Variants in SLC2A9 observed in about 807,000 individuals in gnomAD.
The protein encoded by SLC2A9 is solute carrier family 2, facilitated glucose transporter member 9.
In SLC2A9, 39 loss-of-function variants were observed where a neutral mutation model predicts 50.6. The ratio of observed to expected loss-of-function variants is 0.77; its 90% confidence interval spans 0.60 to 1.01. The LOEUF is 1.01. Ranked by LOEUF, SLC2A9 falls within the 50% of genes least tolerant of loss-of-function variation. The pLI, the probability that SLC2A9 is intolerant of heterozygous loss-of-function variation, is 0.00. For missense variants in SLC2A9, 686 were observed against 677.6 expected (o/e 1.01, Z -0.14); for synonymous variants, 324 against 276.9 (o/e 1.17, Z -1.69).
downstream of SLC2A9, among the ~76,000 whole-genome samples, chr4:9,795,746 G>A (rs1720518534): frequency 6.6e-6 from 1 of 152,176 alleles, no homozygotes; most frequent in Non-Finnish European, 1.5e-5. Flanking sequence ...GGGACGCATT[G>A]CCTTGGTCAG....
At chr4:10,013,216 G>C (rs2109456664) in intron 2 of SLC2A9, among the ~76,000 whole-genome samples, 1 of 152,304 alleles carries the variant, frequency 6.6e-6, no homozygotes, top group Admixed American at 6.5e-5. Context: ...AAGGACTGAA[G>C]ATCTTTCTTC....
intron 10 of SLC2A9, chr4:9,879,362 G>A: frequency 1.0e-6 from 1 of 980,760 alleles, no homozygotes; most frequent in South Asian, 4.7e-5. Flanking sequence ...GCGTGTGTGT[G>A]TGTGTGTATT....
chr4:9,780,981 C>T (rs1257625457), intron 3 of SLC2A9, among the ~76,000 whole-genome samples: 1 of 152,132 alleles, frequency 6.6e-6, no homozygotes, highest in Admixed American at 6.5e-5. Flanking sequence ...CCGAATTATT[C>T]CCCAAAGGAA....
intron 5 of SLC2A9, among the ~76,000 whole-genome samples, chr4:9,944,915 G>C (rs911312909): frequency 1.3e-5 from 2 of 152,144 alleles, no homozygotes; most frequent in Non-Finnish European, 2.9e-5. Context: ...TATACATGTG[G>C]CCCACCCAAA....
chr4:9,859,296 G>A (rs1441861754), intron 10 of SLC2A9, among the ~76,000 whole-genome samples: 4 of 152,042 alleles, frequency 2.6e-5, no homozygotes, highest in Non-Finnish European at 5.9e-5. Context: ...CTGTCCACGG[G>A]GTCCTCTCCG....
At chr4:9,772,538 G>A (rs1002031885) in intron 1 of SLC2A9, among the ~76,000 whole-genome samples, 5 of 152,220 alleles carry the variant, frequency 3.3e-5, no homozygotes, top group African/African-American at 1.2e-4. Context: ...CCTGCACAAT[G>A]AGAAGAGCAA....
chr4:9,837,046 A>G (rs937136714), intron 10 of SLC2A9, among the ~76,000 whole-genome samples: 2 of 152,154 alleles, frequency 1.3e-5, no homozygotes, highest in African/African-American at 4.8e-5. Flanking sequence ...GATGCCAGCA[A>G]GGCTTGCACT....
downstream of SLC2A9, among the ~76,000 whole-genome samples, chr4:9,778,510 T>C (rs575317457): frequency 6.6e-6 from 1 of 152,282 alleles, no homozygotes; most frequent in East Asian, 1.9e-4. Flanking sequence ...CCCCAGATCG[T>C]AGTTCCCTCA....
intron 3 of SLC2A9, among the ~76,000 whole-genome samples, chr4:9,791,157 C>G (rs908471974): frequency 1.1e-4 from 17 of 152,140 alleles, no homozygotes; most frequent in Non-Finnish European, 2.4e-4. Context: ...GCCTCTGATT[C>G]TCAGATTCCT....
upstream of SLC2A9, chr4:10,025,784 C>T (rs1763729199): frequency 2.0e-5 from 18 of 920,868 alleles, no homozygotes; most frequent in South Asian, 2.4e-4. Context: ...AGCTGCTGCT[C>T]ACTCTTTTCT....
chr4:9,887,505 C>A, intron 10 of SLC2A9, 62 bp downstream of exon 10: 2 of 1,485,928 alleles, frequency 1.3e-6, no homozygotes, highest in East Asian at 2.6e-5. Context: ...TGAGGAGAGC[C>A]CCCCAGCTTG....
At chr4:9,838,839 T>C (rs1472216957) in intron 10 of SLC2A9, among the ~76,000 whole-genome samples, 1 of 152,138 alleles carries the variant, frequency 6.6e-6, no homozygotes, top group East Asian at 1.9e-4. Context: ...TTACACCATA[T>C]ACAAAAATAC....
At chr4:9,798,973 C>G (rs1720954240), downstream of SLC2A9, 1 of 152,262 alleles carries the variant, frequency 6.6e-6, no homozygotes, top group African/African-American at 2.4e-5. Context: ...TTGGTGCCAG[C>G]ATCACTGCAT....
intron 10 of SLC2A9, among the ~76,000 whole-genome samples, chr4:9,877,749 G>A (rs1448717713): frequency 6.6e-6 from 1 of 152,190 alleles, no homozygotes; most frequent in African/African-American, 2.4e-5. Context: ...TTGAGATAAT[G>A]TCATACAAGT....
At position 9,834,746 on chromosome 4, in the gene SLC2A9, T is replaced by C. The variant is rs181882156; in HGVS notation, c.1419+135A>G. On this transcript the variant is annotated intron_variant, in intron 11 of 11. Transcript: ENST00000264784. ...TGAAAGGTTTTGCCCAAAGCATAGT[T>C]TCTTCCTTCCTTAGGAAAATAGCAT... is the stretch of plus-strand genomic sequence containing the variant. The C allele has an allele frequency of 1.4e-3, 1,974 of 1,411,162 alleles. 2 individuals are homozygous for C. Among genetic ancestry groups the C allele is most frequent in the Non-Finnish European group, 1.8e-3 (1,885 of 1,021,892 alleles). 87.4% of individuals were successfully genotyped at this position (1,411,162 alleles called of 1,614,324 possible).
At chr4:9,777,725 T>A (rs1717754720), downstream of SLC2A9, among the ~76,000 whole-genome samples, 1 of 152,200 alleles carries the variant, frequency 6.6e-6, no homozygotes, top group Non-Finnish European at 1.5e-5. Context: ...AATTTCTTGA[T>A]TTAAGAGGCT....
In SLC2A9 at chr4:9,887,578, CAG is replaced by C. The variant is rs1311684888; in HGVS notation, c.1278_1279del (p.Phe426LeufsTer14). On this transcript the variant is annotated frameshift_variant, in exon 10 of 12. Coordinates refer to ENST00000264784, the MANE Select transcript of SLC2A9 (RefSeq NM_020041.3). LOFTEE classifies it high-confidence loss of function. ...GTGGGGTGCCTTACCTGGCCCACTGCAGAAAGAGGCGATGATGGCCAGAATGC... is the reference window on the plus strand; with the variant it reads ...GTGGGGTGCCTTACCTGGCCCACTGCAAAGAGGCGATGATGGCCAGAATGC... The C allele has an allele frequency of 8.3e-6, 13 of 1,565,986 alleles. No individual in the cohort carries two copies. The highest frequency in any genetic ancestry group is 8.7e-6 in the Non-Finnish European group (10 of 1,156,012).
chr4:9,929,526 G>A (rs1214978881), intron 6 of SLC2A9, among the ~76,000 whole-genome samples: 2 of 151,810 alleles, frequency 1.3e-5, no homozygotes, highest in Non-Finnish European at 2.9e-5. Context: ...GCCATGGAGA[G>A]GGCCTGAGCA....
At chr4:10,000,499 G>A (rs556184925) in intron 2 of SLC2A9, among the ~76,000 whole-genome samples, 1 of 152,284 alleles carries the variant, frequency 6.6e-6, no homozygotes, top group South Asian at 2.1e-4. Context: ...CTCAGTAATG[G>A]CCAAGAATCC....
Sources: gnomAD v4.1 joint callset for allele counts (sites outside exome capture counted in the v4.1 genomes callset) on GRCh38, gnomAD v4.1.1 for gene constraint, MANE v1.5 for transcripts, NCBI Gene and HGNC (gene_info 2026-07-23, HGNC 2026-07-21) for gene names.